SNED1: variants seen among roughly 807,000 people sequenced by gnomAD.
The protein encoded by SNED1 is sushi, nidogen and EGF like domains 1, also known as sushi, nidogen and EGF-like domain-containing protein 1.
SNED1 carries 81 observed loss-of-function variants against 166.7 expected under a neutral mutation model. The ratio of observed to expected loss-of-function variants is 0.49; its 90% CI spans 0.41 to 0.58. The LOEUF is 0.58. Among genes scored for constraint, SNED1 ranks in the 20% least tolerant of loss-of-function variants. SNED1 has a pLI of 0.00. For synonymous variants in SNED1, 762 were observed against 822.0 expected (o/e 0.93, Z 1.25); for missense variants, 1,604 against 2,000.2 (o/e 0.80, Z 3.78).
Position 241,092,190 on chromosome 2 carries a change from GCGTGTTTATGACGCT to G in SNED1, c.*559_*573del, listed in dbSNP as rs2064068463. ...CAGCCGCCCCTGCTCTGGTCCTCCA[GCGTGTTTATGACGCT>G]CGTGCAGGTCGACGAGCCATCCTAT... On this transcript the variant is annotated 3_prime_UTR_variant, in exon 32 of 32. Transcript: ENST00000310397. The surrounding 1 kb of genome is among the most constrained non-coding windows in gnomAD (Gnocchi z 4.6). The G allele has an allele frequency of 6.6e-6, 1 of 152,238 alleles. No homozygotes were observed. The highest frequency in any genetic ancestry group is 2.4e-5 in the African/African-American group (1 of 41,450). The allele number at this position is 152,238 out of a possible 1,614,324, so 9.4% of individuals were successfully genotyped here. A position where few individuals can be genotyped will look rare whatever the true frequency, so the allele number is the denominator to read the frequency against.
rs982745552 is a variant in SNED1 at position 241,026,640 on chromosome 2, C to T, written c.214-3644C>T. On this transcript the variant is annotated intron_variant, in intron 1 of 31. Transcript: ENST00000310397. Reference sequence around the variant, plus strand: ...ATTTCTGTTATTTAGTTACTTATATCGTATTCATTTGGTTCTTTAAAATGT... The same window carrying T: ...ATTTCTGTTATTTAGTTACTTATATTGTATTCATTTGGTTCTTTAAAATGT... Among the ~76,000 whole-genome samples, 22 of 152,226 alleles carry T rather than the reference C, an allele frequency of 1.4e-4. No individual in the cohort carries two copies. The Middle Eastern group carries it at 0.014, about 94-fold the overall frequency.
intron 1 of SNED1, among the ~76,000 whole-genome samples, chr2:241,002,842 A>T (rs1290118538): frequency 1.3e-5 from 2 of 151,962 alleles, no homozygotes; most frequent in African/African-American, 4.8e-5. Flanking sequence ...CATCTCCATG[A>T]ATAAACCCCT....
Position 241,091,034 on chromosome 2 carries a change from G to A in SNED1, c.*2-604G>A, listed in dbSNP as rs564772619. Among the ~76,000 whole-genome samples the A allele has an allele frequency of 8.5e-5, 13 of 152,190 alleles. No homozygotes were observed. Among genetic ancestry groups the A allele is most frequent in the South Asian group, 4.1e-4 (2 of 4,822 alleles). ...TAATTTGGGTTTGAGATATTTATAC[G>A]GTGGTAAGTCACCTGAAATATTAAT... On this transcript the variant is annotated intron_variant, in intron 31 of 31. Coordinates refer to ENST00000310397, the MANE Select transcript of SNED1 (RefSeq NM_001080437.3). This position sits in a 1 kb window ranked among gnomAD's most constrained non-coding sequence, Gnocchi z 4.1.
rs755028769 is a variant in SNED1 at position 241,071,735 on chromosome 2, C to T, written c.3734+15C>T. On this transcript the variant is annotated intron_variant, in intron 25 of 31. Coordinates refer to ENST00000310397, the MANE Select transcript of SNED1 (RefSeq NM_001080437.3). The stretch of plus-strand genomic sequence containing the variant: ...CAGCCCCCCAGGTACATGCCCCACC[C>T]ATCGGCCCCATCGCCCGAGGCGGCG... The T allele has an allele frequency of 3.0e-5, 46 of 1,515,062 alleles. No homozygotes were observed. Among genetic ancestry groups the T allele is most frequent in the Admixed American group, 3.9e-5 (2 of 50,740 alleles). 93.9% of individuals were successfully genotyped at this position (1,515,062 alleles called of 1,614,324 possible).
intron 1 of SNED1, among the ~76,000 whole-genome samples, chr2:241,017,723 C>T (rs1251959809): frequency 6.6e-6 from 1 of 152,216 alleles, no homozygotes; most frequent in Non-Finnish European, 1.5e-5. Context: ...TGAAGGCTGC[C>T]GTCCACAGGA....
chr2:241,069,791 C>T lies in SNED1; in HGVS notation c.3308-129C>T, dbSNP rs1258601986. On this transcript the variant is annotated intron_variant, in intron 23 of 31. Coordinates refer to ENST00000310397, the MANE Select transcript of SNED1 (RefSeq NM_001080437.3). The surrounding 1 kb of genome is among the most constrained non-coding windows in gnomAD (Gnocchi z 4.9). ...GCCCACACCCCGCCTCGGCACTGTACCATTCTCCATAATAAAGAATCTGGC... is the reference window on the plus strand; with the variant it reads ...GCCCACACCCCGCCTCGGCACTGTATCATTCTCCATAATAAAGAATCTGGC... 5 of 1,087,896 alleles carry T rather than the reference C, an allele frequency of 4.6e-6. No homozygotes were observed. The highest frequency in any genetic ancestry group is 5.3e-6 in the Non-Finnish European group (4 of 759,598). The allele number at this position is 1,087,896 out of a possible 1,614,324, so 67.4% of individuals were successfully genotyped here. A position where few individuals can be genotyped will look rare whatever the true frequency, so the allele number is the denominator to read the frequency against.
intron 1 of SNED1, among the ~76,000 whole-genome samples, chr2:241,015,122 C>T (rs1481788454): frequency 6.6e-6 from 1 of 152,174 alleles, no homozygotes; most frequent in Non-Finnish European, 1.5e-5. Flanking sequence ...GTAGAATTGG[C>T]TTATCAAGTT....
In SNED1 at chr2:241,081,827, C is replaced by T. The variant is rs904610742; in HGVS notation, c.4033+34C>T. ...GGGCTTGGCCTCAGGGCGCCCCTTC[C>T]AACACAGCCTGTGCCTCAGCCTAGG... On this transcript the variant is annotated intron_variant, in intron 28 of 31. Transcript: ENST00000310397. The T allele has an allele frequency of 1.4e-5, 20 of 1,468,632 alleles. 1 individual carries two copies. The African/African-American group carries it at 2.8e-4, about 21-fold the overall frequency. 91.0% of individuals were successfully genotyped at this position (1,468,632 alleles called of 1,614,324 possible). A position where few individuals can be genotyped will look rare whatever the true frequency, so the allele number is the denominator to read the frequency against.
chr2:241,087,575 A>T, intron 30 of SNED1, 100 bp downstream of exon 30: 1 of 1,467,598 alleles, frequency 6.8e-7, no homozygotes, highest in Non-Finnish European at 9.0e-7. Flanking sequence ...CTGTGGGCTG[A>T]GCCAGGCGGT....
At position 241,071,896 on chromosome 2, in the gene SNED1, C is replaced by T. The variant is rs1464127996; in HGVS notation, c.3817+18C>T. The T allele has an allele frequency of 3.8e-6, 6 of 1,583,526 alleles. No individual in the cohort carries two copies. The highest frequency in any genetic ancestry group is 1.7e-4 in the Middle Eastern group (1 of 6,052). On this transcript the variant is annotated intron_variant, in intron 26 of 31. Coordinates refer to ENST00000310397, the MANE Select transcript of SNED1 (RefSeq NM_001080437.3). The stretch of plus-strand genomic sequence containing the variant: ...GAGATCACGTGAGTGCCAGGGCCTC[C>T]CCACCCACCTTGGTGGCCCACCCTC...
intron 12 of SNED1, among the ~76,000 whole-genome samples, chr2:241,050,488 C>T (rs1359619634): frequency 6.6e-6 from 1 of 152,130 alleles, no homozygotes; most frequent in Non-Finnish European, 1.5e-5. Context: ...CGCAGAGTGA[C>T]CTGGCACCCT....
chr2:241,076,368 T>G (rs2063019877), intron 27 of SNED1, among the ~76,000 whole-genome samples: 1 of 152,236 alleles, frequency 6.6e-6, no homozygotes, highest in African/African-American at 2.4e-5. Context: ...ATTTTATAGT[T>G]TGATACTATT....
rs771129427 is a variant in SNED1 at position 241,071,846 on chromosome 2, G to A, written c.3785G>A (p.Gly1262Asp). 7 of 1,605,212 alleles carry A rather than the reference G, an allele frequency of 4.4e-6. No individual in the cohort carries two copies. Among genetic ancestry groups the A allele is most frequent in the South Asian group, 1.1e-5 (1 of 89,044 alleles). Residue 1262 changes from glycine to aspartate, a missense_variant, in exon 26 of 32, where the codon GGC (glycine) becomes GAC (aspartate). Physicochemically the swap from Gly to Asp is moderately conservative, Grantham distance 94. This residue lies in a region of SNED1 where 367 missense variants were observed against 379.4 expected (regional missense o/e 0.97). Coordinates refer to ENST00000310397, the MANE Select transcript of SNED1 (RefSeq NM_001080437.3). ...GGAAGAGTGAGCGCCAGGTTCGGTG[G>A]CTCACCCAGCAAAGCAGCCACCGTG... The part of the protein sequence containing the change: ...GRGRVSARFG[G>D]SPSKAATVRS...
At position 241,037,147 on chromosome 2, in the gene SNED1, C is replaced by T. The variant is rs2061398749; in HGVS notation, c.932-93C>T. On this transcript the variant is annotated intron_variant, in intron 5 of 31. Coordinates refer to ENST00000310397, the MANE Select transcript of SNED1 (RefSeq NM_001080437.3). ...CCTCTCTGAGCCAATCTCGGGCTTG[C>T]TCCTCCTCCGTCCCCGGCCCAACCC... 7.7e-6 allele frequency: 9 copies of T among 1,175,408 alleles called. No individual in the cohort carries two copies. The East Asian group carries it at 1.0e-4, about 13-fold the overall frequency. The allele number at this position is 1,175,408 out of a possible 1,614,324, so 72.8% of individuals were successfully genotyped here. A position where few individuals can be genotyped will look rare whatever the true frequency, so the allele number is the denominator to read the frequency against.
At chr2:241,079,084 A>G (rs1384428963) in intron 27 of SNED1, among the ~76,000 whole-genome samples, 5 of 137,164 alleles carry the variant, frequency 3.6e-5, no homozygotes, top group Non-Finnish European at 7.6e-5. Context: ...ATTGCACTCC[A>G]GCCTGGGTGA....
intron 8 of SNED1, among the ~76,000 whole-genome samples, chr2:241,042,609 A>G (rs1240371795): frequency 6.6e-6 from 1 of 152,380 alleles, no homozygotes; most frequent in East Asian, 1.9e-4. Context: ...ATGTTTAATT[A>G]TCTATTATGA....
chr2:241,081,742 G>A lies in SNED1; in HGVS notation c.3982G>A (p.Ala1328Thr), dbSNP rs910335890. The A allele has an allele frequency of 9.9e-6, 16 of 1,608,300 alleles. No individual in the cohort carries two copies. Among genetic ancestry groups the A allele is most frequent in the East Asian group, 9.0e-5 (4 of 44,652 alleles). The change falls in exon 28 of 32, where the codon GCC (alanine) becomes ACC (threonine). Residue 1328 changes from alanine (A) to threonine (T), a missense_variant. Coordinates refer to ENST00000310397, the MANE Select transcript of SNED1 (RefSeq NM_001080437.3). ...NGGTCVPGAD[A>T]HSCDCGPGFK... Reference sequence around the variant, plus strand: ...AGGCACTTGTGTGCCGGGCGCAGACGCCCACAGCTGTGACTGCGGGCCAGG... The same window carrying A: ...AGGCACTTGTGTGCCGGGCGCAGACACCCACAGCTGTGACTGCGGGCCAGG...
At chr2:241,053,841 C>G (rs1343032952) in intron 16 of SNED1, among the ~76,000 whole-genome samples, 6 of 152,218 alleles carry the variant, frequency 3.9e-5, no homozygotes, top group Non-Finnish European at 8.8e-5. Flanking sequence ...TCCCTCTGAC[C>G]GAAGCCCCTG....
At chr2:241,017,117 C>T (rs3897756) in intron 1 of SNED1, among the ~76,000 whole-genome samples, 1 of 152,170 alleles carries the variant, frequency 6.6e-6, no homozygotes, top group African/African-American at 2.4e-5. Flanking sequence ...TCCCAAAGTG[C>T]TGGGATTCCA....
Sources: allele counts gnomAD v4.1 joint callset (sites outside exome capture counted in the v4.1 genomes callset), GRCh38; gene constraint gnomAD v4.1.1; regional missense constraint gnomAD v4.1.1; non-coding constraint Gnocchi (gnomAD v3.1); transcripts MANE v1.5; gene names NCBI Gene and HGNC (gene_info 2026-07-23, HGNC 2026-07-21).